CCNH: variants seen among roughly 807,000 people sequenced by gnomAD.
CCNH encodes cyclin-H.
Under a neutral mutation model 41.9 loss-of-function variants are expected in CCNH, and 31 were observed. The ratio of observed to expected loss-of-function variants is 0.74; its 90% CI spans 0.56 to 1.00. The LOEUF is 1.00. Ranked by LOEUF, CCNH falls within the 50% of genes least tolerant of loss-of-function variation. The pLI is 0.00. For missense variants in CCNH, 362 were observed against 388.4 expected, an observed-to-expected ratio of 0.93 and a Z score of 0.57; for synonymous variants, 138 against 136.1, an observed-to-expected ratio of 1.01 and a Z score of -0.10.
chr5:87,345,655 T>G (rs75181855), intron 9 of CCNH, among the ~76,000 whole-genome samples: 1,818 of 152,304 alleles, frequency 0.012, 28 homozygotes, highest in African/African-American at 0.041. Flanking sequence ...TGTGAAAATT[T>G]AAAAATTCAG....
At chr5:87,387,572 T>C (rs1762149534), downstream of CCNH, among the ~76,000 whole-genome samples, 1 of 152,110 alleles carries the variant, frequency 6.6e-6, no homozygotes, top group Admixed American at 6.6e-5. Context: ...GGAAGGTGCA[T>C]GTACATGTGA....
chr5:87,384,271 A>G (rs751489257), intron 9 of CCNH, among the ~76,000 whole-genome samples: 1 of 152,150 alleles, frequency 6.6e-6, no homozygotes, highest in Non-Finnish European at 1.5e-5. Context: ...TAAATTGGCC[A>G]TTTTAAACTT....
intron 9 of CCNH, among the ~76,000 whole-genome samples, chr5:87,384,692 A>G (rs965560257): frequency 1.3e-5 from 2 of 152,106 alleles, no homozygotes; most frequent in East Asian, 1.9e-4. Flanking sequence ...TAAGTTCCAG[A>G]GCTTATATTT....
chr5:87,401,120 T>G (rs1395818892), intron 6 of CCNH, among the ~76,000 whole-genome samples: 2 of 152,244 alleles, frequency 1.3e-5, no homozygotes, highest in African/African-American at 4.8e-5. Flanking sequence ...TGTGCCAAAA[T>G]TAAGGTGCTA....
downstream of CCNH, among the ~76,000 whole-genome samples, chr5:87,315,598 G>A (rs149033334): frequency 5.0e-3 from 764 of 152,186 alleles, 4 homozygotes; most frequent in Admixed American, 7.0e-3. Flanking sequence ...TATCTTTTGG[G>A]TTTTTCAGAG....
At chr5:87,354,477 T>C (rs1386427108) in intron 9 of CCNH, among the ~76,000 whole-genome samples, 3 of 152,162 alleles carry the variant, frequency 2.0e-5, no homozygotes. Context: ...GAACTGCATC[T>C]GAAGAAGACT....
intron 2 of CCNH, 34 bp from the exon 3 acceptor site, chr5:87,409,397 A>C: frequency 8.3e-7 from 1 of 1,198,280 alleles, no homozygotes; most frequent in Non-Finnish European, 1.2e-6. Context: ...ATCAGGATCT[A>C]GTCACAAATG....
chr5:87,386,874 C>T (rs1762096652), downstream of CCNH: 3 of 1,612,430 alleles, frequency 1.9e-6, no homozygotes, highest in Non-Finnish European at 1.7e-6. Flanking sequence ...CAACAAACAT[C>T]GTATGATCAT....
chr5:87,394,536 T>G, intron 8 of CCNH, 52 bp from the exon 9 acceptor site: 1 of 1,605,616 alleles, frequency 6.2e-7, no homozygotes, highest in Non-Finnish European at 8.5e-7. Context: ...TAACCAGTAT[T>G]GTTTACCTCT....
At chr5:87,400,086 C>G (rs987115098) in intron 6 of CCNH, among the ~76,000 whole-genome samples, 4 of 152,200 alleles carry the variant, frequency 2.6e-5, no homozygotes, top group African/African-American at 9.6e-5. Flanking sequence ...AAAACATCCT[C>G]TAGCTGATCT....
intron 9 of CCNH, among the ~76,000 whole-genome samples, chr5:87,367,801 A>T (rs555857710): frequency 2.7e-4 from 41 of 152,200 alleles, no homozygotes; most frequent in African/African-American, 9.6e-4. Flanking sequence ...CATTTTAAAG[A>T]TGGTTTTCTG....
At chr5:87,339,767 T>C (rs1758304604) in intron 9 of CCNH, among the ~76,000 whole-genome samples, 1 of 152,144 alleles carries the variant, frequency 6.6e-6, no homozygotes, top group Admixed American at 6.5e-5. Context: ...ACATTATAAA[T>C]TAATAGTGGA....
chr5:87,410,189 C>T (rs970997828), intron 2 of CCNH, among the ~76,000 whole-genome samples: 1 of 152,030 alleles, frequency 6.6e-6, no homozygotes, highest in Non-Finnish European at 1.5e-5. Context: ...TTAGTTTTGT[C>T]ATTATGTAAA....
chr5:87,337,447 T>A (rs1018083907), intron 9 of CCNH, among the ~76,000 whole-genome samples: 2 of 152,126 alleles, frequency 1.3e-5, no homozygotes, highest in East Asian at 1.9e-4. Context: ...CTGGTTTTTT[T>A]ATAAGAAAAA....
At chr5:87,317,077 T>G (rs763033231), downstream of CCNH, among the ~76,000 whole-genome samples, 1 of 152,060 alleles carries the variant, frequency 6.6e-6, no homozygotes, top group Non-Finnish European at 1.5e-5. Flanking sequence ...GAGTTGGGGT[T>G]TTACCTTGTT....
intron 9 of CCNH, among the ~76,000 whole-genome samples, chr5:87,337,804 A>T (rs1298373265): frequency 2.0e-5 from 3 of 152,136 alleles, no homozygotes; most frequent in Non-Finnish European, 4.4e-5. Flanking sequence ...ATTTTCAGGA[A>T]TTGACATGTG....
chr5:87,363,166 T>C (rs1444135841), intron 9 of CCNH, among the ~76,000 whole-genome samples: 2 of 151,740 alleles, frequency 1.3e-5, no homozygotes, highest in African/African-American at 4.9e-5. Context: ...ACAAGTAATA[T>C]AACAAAAGGC....
downstream of CCNH, chr5:87,391,065 G>GCTAT (rs1762478441): frequency 1.5e-6 from 1 of 687,468 alleles, no homozygotes; most frequent in Non-Finnish European, 2.6e-6. Context: ...AACCTTGTAA[G>GCTAT]CTATCTGTGC....
intron 9 of CCNH, chr5:87,341,427 T>G: frequency 1.6e-6 from 1 of 636,250 alleles, no homozygotes; most frequent in Non-Finnish European, 2.3e-6. Flanking sequence ...TTGGACTGAC[T>G]TAACTTTTAA....
Sources: gnomAD v4.1 joint callset for allele counts (sites outside exome capture counted in the v4.1 genomes callset) on GRCh38, gnomAD v4.1.1 for gene constraint, MANE v1.5 for transcripts, NCBI Gene and HGNC (gene_info 2026-07-23, HGNC 2026-07-21) for gene names.